Variants in SSH2 observed in about 807,000 individuals in gnomAD.
The protein encoded by SSH2 is slingshot protein phosphatase 2, also known as protein phosphatase Slingshot homolog 2.
Under a neutral mutation model 135.2 loss-of-function variants are expected in SSH2, and 37 were observed. The ratio of observed to expected loss-of-function variants is 0.27; its 90% CI spans 0.21 to 0.36. The LOEUF (loss-of-function observed/expected upper bound fraction) is 0.36. Ranked by LOEUF, SSH2 falls within the 10% of genes least tolerant of loss-of-function variation. The pLI, the probability that SSH2 is intolerant of heterozygous loss-of-function variation, is 1.00. For missense variants in SSH2, 1,408 were observed against 1,765.3 expected, an observed-to-expected ratio of 0.80 and a Z score of 3.63; for synonymous variants, 628 against 646.2, an observed-to-expected ratio of 0.97 and a Z score of 0.43.
intron 11 of SSH2, among the ~76,000 whole-genome samples, chr17:29,664,136 C>G (rs906602413): frequency 3.9e-5 from 6 of 152,170 alleles, no homozygotes; most frequent in Admixed American, 3.3e-4. Context: ...AATCCCGGCA[C>G]TTTGGGAGGC....
intron 6 of SSH2, among the ~76,000 whole-genome samples, chr17:29,680,545 C>A (rs1297623641): frequency 1.8e-5 from 1 of 56,482 alleles, no homozygotes; most frequent in East Asian, 5.7e-4. Flanking sequence ...CAGCAAGACT[C>A]CCTCTCAAAA....
At chr17:29,701,486 T>C (rs978679915) in intron 4 of SSH2, among the ~76,000 whole-genome samples, 6 of 147,310 alleles carry the variant, frequency 4.1e-5, no homozygotes, top group African/African-American at 7.5e-5. Context: ...GAGGGCTAAC[T>C]GCAGTCTCAA....
Position 29,632,667 on chromosome 17 carries a change from G to A in SSH2, c.2527C>T (p.Leu843=). The A allele has an allele frequency of 6.2e-7, 1 of 1,614,182 alleles. No individual in the cohort carries two copies. Among genetic ancestry groups the A allele is most frequent in the Middle Eastern group, 1.6e-4 (1 of 6,062 alleles). The change falls in exon 16 of 16, where the codon CTA becomes TTA. Residue 843 remains leucine (L), a synonymous_variant. Transcript: ENST00000540801. ...TTGCACATCCCTGAGTCTTTGGCTA[G>A]TTCAGGCTGGGCTGTGCAGGAGTCC... is the stretch of plus-strand genomic sequence containing the variant. ...DEDSCTAQPE[L]AKDSGMCNPE...
Position 29,673,514 on chromosome 17 carries a change from T to C in SSH2, c.615-1385A>G, listed in dbSNP as rs117629043. Among the ~76,000 whole-genome samples the C allele has an allele frequency of 3.7e-3, 565 of 151,404 alleles. 21 individuals carry two copies. In the East Asian group the frequency reaches 0.097, roughly 26 times the overall value. ...GAACCTGGGAGACGGAGGCTGTAGT[T>C]AGCTGAGATGGTGCCACTGCACTCC... On this transcript the variant is annotated intron_variant, in intron 8 of 15. Coordinates refer to ENST00000540801, the MANE Select transcript of SSH2 (RefSeq NM_001282129.2).
At chr17:29,771,814 T>C (rs2041592240) in intron 3 of SSH2, among the ~76,000 whole-genome samples, 1 of 152,214 alleles carries the variant, frequency 6.6e-6, no homozygotes, top group Non-Finnish European at 1.5e-5. Flanking sequence ...CAGAGCAGCA[T>C]CATTATCTCT....
intron 1 of SSH2, among the ~76,000 whole-genome samples, chr17:29,854,016 CTAATAA>C (rs559356818): frequency 6.6e-6 from 1 of 151,548 alleles, no homozygotes; most frequent in Non-Finnish European, 1.5e-5. Context: ...ACTGCTGCTT[CTAATAA>C]TAATAATAAA....
At chr17:29,893,642 T>C (rs1400505713) in intron 1 of SSH2, among the ~76,000 whole-genome samples, 2 of 152,180 alleles carry the variant, frequency 1.3e-5, no homozygotes, top group African/African-American at 4.8e-5. Context: ...TTACCCATTC[T>C]GTGGTATTTT....
chr17:29,705,687 GTA>G (rs1038849104), intron 3 of SSH2, among the ~76,000 whole-genome samples: 8 of 152,236 alleles, frequency 5.3e-5, no homozygotes, highest in African/African-American at 1.9e-4. Context: ...CTCTGATCTT[GTA>G]TCATCTCCCC....
intron 3 of SSH2, among the ~76,000 whole-genome samples, chr17:29,739,227 A>G (rs1334060759): frequency 6.6e-6 from 1 of 152,244 alleles, no homozygotes; most frequent in African/African-American, 2.4e-5. Context: ...TAAGTAGCAG[A>G]GTTCGAACCG....
intron 1 of SSH2, among the ~76,000 whole-genome samples, chr17:29,899,628 G>A (rs2066509393): frequency 6.6e-6 from 1 of 152,162 alleles, no homozygotes; most frequent in South Asian, 2.1e-4. Flanking sequence ...GGAAATAAAA[G>A]AGGATACAAA....
chr17:29,659,600 T>C (rs1188033286), intron 11 of SSH2, among the ~76,000 whole-genome samples: 2 of 152,246 alleles, frequency 1.3e-5, no homozygotes, highest in Non-Finnish European at 2.9e-5. Flanking sequence ...CTCGGATCAC[T>C]GCAAGCTCCA....
At chr17:29,771,100 A>G (rs1313420677) in intron 3 of SSH2, among the ~76,000 whole-genome samples, 2 of 152,280 alleles carry the variant, frequency 1.3e-5, no homozygotes, top group African/African-American at 4.8e-5. Flanking sequence ...CCAGTGATCA[A>G]TTCCTGGTTT....
At chr17:29,766,260 G>A (rs1030885715) in intron 3 of SSH2, among the ~76,000 whole-genome samples, 9 of 151,292 alleles carry the variant, frequency 5.9e-5, no homozygotes, top group South Asian at 2.1e-4. Flanking sequence ...TTTGGGAGGC[G>A]GAGGCAGGAG....
chr17:29,705,673 ACTC>A (rs1159106673), intron 3 of SSH2, among the ~76,000 whole-genome samples: 1 of 151,988 alleles, frequency 6.6e-6, no homozygotes, highest in Non-Finnish European at 1.5e-5. Flanking sequence ...CTACAGGACT[ACTC>A]CTCTGATCTT....
chr17:29,724,162 A>G (rs1470769150), intron 3 of SSH2, among the ~76,000 whole-genome samples: 1 of 152,220 alleles, frequency 6.6e-6, no homozygotes, highest in African/African-American at 2.4e-5. Flanking sequence ...GGTGTAATAC[A>G]TGCAAAACAG....
chr17:29,878,202 C>T (rs947972063), intron 1 of SSH2, among the ~76,000 whole-genome samples: 8 of 152,038 alleles, frequency 5.3e-5, no homozygotes, highest in African/African-American at 1.9e-4. Context: ...CCAAGGAGGG[C>T]GGATCACCTG....
chr17:29,683,624 C>G (rs1305972275), intron 6 of SSH2, among the ~76,000 whole-genome samples: 2 of 152,080 alleles, frequency 1.3e-5, no homozygotes, highest in African/African-American at 4.8e-5. Flanking sequence ...CAAAGTGAAT[C>G]ATTACTGACT....
chr17:29,740,548 T>C (rs1472127316), intron 3 of SSH2, among the ~76,000 whole-genome samples: 2 of 152,166 alleles, frequency 1.3e-5, no homozygotes, highest in Non-Finnish European at 2.9e-5. Context: ...ATGCATACTT[T>C]TCTCTTTTCT....
At chr17:29,890,050 A>G (rs2066319500) in intron 1 of SSH2, among the ~76,000 whole-genome samples, 2 of 152,214 alleles carry the variant, frequency 1.3e-5, no homozygotes, top group South Asian at 4.1e-4. Context: ...ATGGCCAGTG[A>G]GCACATGAAA....
Sources: allele counts gnomAD v4.1 joint callset (sites outside exome capture counted in the v4.1 genomes callset), GRCh38; gene constraint gnomAD v4.1.1; transcripts MANE v1.5; gene names NCBI Gene and HGNC (gene_info 2026-07-23, HGNC 2026-07-21).